The following SYNPR variants were observed in gnomAD, a reference collection of about 807,000 sequenced individuals.
SYNPR encodes the protein synaptoporin.
Under a neutral mutation model 32.9 loss-of-function variants are expected in SYNPR, and 23 were observed. That is an observed-to-expected ratio of 0.70 (90% CI 0.50 to 0.99). SYNPR has a LOEUF of 0.99. Ranked by LOEUF, SYNPR falls within the 50% of genes least tolerant of loss-of-function variation. The pLI, the probability that SYNPR is intolerant of heterozygous loss-of-function variation, is 0.00. For synonymous variants in SYNPR, 146 were observed against 135.9 expected (o/e 1.07, Z -0.52); for missense variants, 318 against 349.3 (o/e 0.91, Z 0.71).
intron 3 of SYNPR, among the ~76,000 whole-genome samples, chr3:63,270,894 TCC>T (rs1264282456): frequency 8.1e-5 from 5 of 62,024 alleles, no homozygotes; most frequent in African/African-American, 1.6e-4. Context: ...CTTCCTTCCT[TCC>T]TTTTCTTTCC....
chr3:63,276,437 A>C (rs2086574409), upstream of SYNPR, among the ~76,000 whole-genome samples: 2 of 152,218 alleles, frequency 1.3e-5, no homozygotes. Flanking sequence ...AGACTGCCCT[A>C]GATGGGCTAT....
chr3:63,303,243 G>A (rs1365126032), intron 2 of SYNPR, among the ~76,000 whole-genome samples: 1 of 151,598 alleles, frequency 6.6e-6, no homozygotes, highest in East Asian at 1.9e-4. Flanking sequence ...AAATATCACT[G>A]CTATTTTCAT....
At position 63,314,072 on chromosome 3, in the gene SYNPR, T is replaced by TATATCC. The variant is rs1182196705; in HGVS notation, c.84+35334_84+35335insCCATAT. Among the ~76,000 whole-genome samples the TATATCC allele has an allele frequency of 7.1e-5, 7 of 98,924 alleles. 1 individual carries two copies. The highest frequency in any genetic ancestry group is 2.3e-4 in the Admixed American group (2 of 8,736). 64.9% of individuals were successfully genotyped at this position (98,924 alleles called of 152,430 possible). On this transcript the variant is annotated intron_variant, in intron 2 of 5. Transcript: ENST00000478300. ...ATATCCATATATATATATATCCATA[T>TATATCC]ATATATATATCCATATATATATATA...
At chr3:63,521,227 C>T (rs1424048924) in intron 3 of SYNPR, among the ~76,000 whole-genome samples, 4 of 152,186 alleles carry the variant, frequency 2.6e-5, no homozygotes, top group African/African-American at 4.8e-5. Flanking sequence ...CTTAAAAATA[C>T]AGATTCTTGG....
At chr3:63,583,582 C>T (rs1465691150) in intron 4 of SYNPR, among the ~76,000 whole-genome samples, 1 of 151,990 alleles carries the variant, frequency 6.6e-6, no homozygotes, top group Non-Finnish European at 1.5e-5. Flanking sequence ...ATGTAGCTAA[C>T]AAGGTGCCAG....
chr3:63,525,940 C>T (rs551126272), intron 3 of SYNPR, among the ~76,000 whole-genome samples: 5 of 152,288 alleles, frequency 3.3e-5, no homozygotes, highest in African/African-American at 1.2e-4. Context: ...AGAAGCATGG[C>T]ATCACCATCT....
intron 4 of SYNPR, among the ~76,000 whole-genome samples, chr3:63,559,070 CT>C (rs34219166): frequency 0.49 from 61,071 of 125,764 alleles, 12,728 homozygotes; most frequent in African/African-American, 0.58. Context: ...TCAATACTTT[CT>C]TTTTTTTTTT....
intron 2 of SYNPR, among the ~76,000 whole-genome samples, chr3:63,299,724 A>G (rs2106939962): frequency 6.6e-6 from 1 of 152,308 alleles, no homozygotes; most frequent in Middle Eastern, 3.4e-3. Flanking sequence ...ACCAAATGAC[A>G]TTGATACTAA....
Position 63,391,842 on chromosome 3 carries a change from T to C in SYNPR, c.85-88990T>C, listed in dbSNP as rs573880657. On this transcript the variant is annotated intron_variant, in intron 2 of 5. Coordinates refer to ENST00000478300, the MANE Select transcript of SYNPR (RefSeq NM_001130003.2). ...AACCCCATTTTACAGAAGAGGACAC[T>C]GAGCTGATGAAAGTAATTGTATGTA... Among the ~76,000 whole-genome samples, 11 of 152,326 alleles carry C rather than the reference T, an allele frequency of 7.2e-5. No homozygotes were observed. In the East Asian group the frequency reaches 1.5e-3, roughly 21 times the overall value.
intron 2 of SYNPR, among the ~76,000 whole-genome samples, 174 bp from the exon 3 acceptor site, chr3:63,480,658 G>A (rs1448610146): frequency 1.3e-5 from 2 of 152,068 alleles, no homozygotes; most frequent in Non-Finnish European, 2.9e-5. Context: ...TAGACACCAT[G>A]TCCCCAGTCC....
intron 2 of SYNPR, among the ~76,000 whole-genome samples, chr3:63,389,668 G>C (rs1164299746): frequency 6.6e-6 from 1 of 152,122 alleles, no homozygotes; most frequent in Non-Finnish European, 1.5e-5. Context: ...ATCCAGTAGG[G>C]GTGATTCCCG....
chr3:63,597,986 G>C (rs1699985990), intron 4 of SYNPR, among the ~76,000 whole-genome samples: 2 of 152,168 alleles, frequency 1.3e-5, no homozygotes, highest in Admixed American at 1.3e-4. Context: ...AAAATTCTTG[G>C]AGGCTGAATT....
At chr3:63,386,914 G>C (rs2088053686) in intron 2 of SYNPR, among the ~76,000 whole-genome samples, 1 of 152,218 alleles carries the variant, frequency 6.6e-6, no homozygotes, top group Non-Finnish European at 1.5e-5. Flanking sequence ...GGACTCTGCT[G>C]AGTGGCCTCT....
intron 3 of SYNPR, among the ~76,000 whole-genome samples, chr3:63,526,103 T>C (rs1702006808): frequency 6.6e-6 from 1 of 152,168 alleles, no homozygotes; most frequent in Non-Finnish European, 1.5e-5. Context: ...GAACTAAGAT[T>C]GAGAATGACA....
chr3:63,345,885 G>A (rs1378575538), intron 2 of SYNPR, among the ~76,000 whole-genome samples: 1 of 151,904 alleles, frequency 6.6e-6, no homozygotes, highest in East Asian at 1.9e-4. Context: ...CGCAATCTCA[G>A]CTCACTGCAA....
intron 2 of SYNPR, among the ~76,000 whole-genome samples, chr3:63,297,046 G>T (rs2086796767): frequency 6.6e-6 from 1 of 152,170 alleles, no homozygotes; most frequent in African/African-American, 2.4e-5. Context: ...AATAGCTAGT[G>T]GTTACAATAT....
intron 2 of SYNPR, among the ~76,000 whole-genome samples, chr3:63,317,811 TTATTTTTGCTTTTAACA>T (rs760525515): frequency 4.6e-5 from 7 of 152,140 alleles, no homozygotes; most frequent in Non-Finnish European, 8.8e-5. Flanking sequence ...TGTTTGTTTT[TTATTTTTGCTTTTAACA>T]CATATTTTTG....
rs116607826 is a variant in SYNPR at position 63,323,420 on chromosome 3, G to T, written c.84+44678G>T. On this transcript the variant is annotated intron_variant, in intron 2 of 5. Transcript: ENST00000478300. ...ATTCAATTCTACAGGCATTTATTGA[G>T]TTTCTACTATGGAGTTAATATGAAG... Among the ~76,000 whole-genome samples the T allele has an allele frequency of 6.1e-3, 924 of 152,154 alleles. 13 individuals carry two copies. Among genetic ancestry groups the T allele is most frequent in the African/African-American group, 0.02 (828 of 41,524 alleles).
At position 63,528,248 on chromosome 3, in the gene SYNPR, A is replaced by G. The variant is rs972660304; in HGVS notation, c.210-28295A>G. Among the ~76,000 whole-genome samples the G allele has an allele frequency of 2.8e-4, 42 of 152,194 alleles. 1 individual carries two copies. Among genetic ancestry groups the G allele is most frequent in the African/African-American group, 9.7e-4 (40 of 41,446 alleles). ...TGTTAATGACTATTATGCAACCTCA[A>G]TTTGGGGTCAAATAAACTTTAGGGA... On this transcript the variant is annotated intron_variant, in intron 3 of 5. Coordinates refer to ENST00000478300, the MANE Select transcript of SYNPR (RefSeq NM_001130003.2).
Sources: allele counts gnomAD v4.1 joint callset (sites outside exome capture counted in the v4.1 genomes callset), GRCh38; gene constraint gnomAD v4.1.1; transcripts MANE v1.5; gene names NCBI Gene and HGNC (gene_info 2026-07-23, HGNC 2026-07-21).